NPY1R: variants seen among roughly 807,000 people sequenced by gnomAD.
NPY1R encodes neuropeptide Y receptor type 1.
NPY1R carries 10 observed loss-of-function variants against 24.1 expected under a neutral mutation model. That is an observed-to-expected ratio of 0.42 (90% CI 0.26 to 0.71). NPY1R has a LOEUF of 0.71. Ranked by LOEUF, NPY1R falls within the 30% of genes least tolerant of loss-of-function variation. The pLI is 0.28. For synonymous variants in NPY1R, 168 were observed against 165.9 expected (o/e 1.01, Z -0.10); for missense variants, 350 against 458.0 (o/e 0.76, Z 2.15).
chr4:163,340,309 C>CATATAT (rs142056779), intron 1 of NPY1R, among the ~76,000 whole-genome samples: 8 of 147,534 alleles, frequency 5.4e-5, no homozygotes, highest in African/African-American at 2.0e-4. Context: ...TCTTCTTGTA[C>CATATAT]ATATATATAT....
At chr4:163,335,986 T>C (rs1379666299), upstream of NPY1R, among the ~76,000 whole-genome samples, 1 of 152,228 alleles carries the variant, frequency 6.6e-6, no homozygotes, top group Non-Finnish European at 1.5e-5. Context: ...ATCTGACTTT[T>C]GGAGAGCATT....
At chr4:163,327,317 G>C (rs1186912970) in intron 1 of NPY1R, among the ~76,000 whole-genome samples, 1 of 152,180 alleles carries the variant, frequency 6.6e-6, no homozygotes, top group Non-Finnish European at 1.5e-5. Context: ...ATACTTAGTA[G>C]GAATGGTACA....
rs916977399 is a variant in NPY1R at position 163,324,783 on chromosome 4, C to T, written c.*520G>A. On this transcript the variant is annotated 3_prime_UTR_variant, in exon 3 of 3. Coordinates refer to ENST00000296533, the MANE Select transcript of NPY1R (RefSeq NM_000909.6). ...ACAAAAACCACCAAAAAACAGAAACCTCAAACCACTTCTGAATGACTTCAG... is the reference window on the plus strand; with the variant it reads ...ACAAAAACCACCAAAAAACAGAAACTTCAAACCACTTCTGAATGACTTCAG... The T allele has an allele frequency of 6.6e-6, 1 of 151,222 alleles. No individual in the cohort carries two copies. The highest frequency in any genetic ancestry group is 2.4e-5 in the African/African-American group (1 of 41,226). The allele number at this position is 151,222 out of a possible 1,614,324, so 9.4% of individuals were successfully genotyped here.
intron 1 of NPY1R, among the ~76,000 whole-genome samples, chr4:163,338,974 G>A (rs564891452): frequency 2.6e-5 from 4 of 152,146 alleles, no homozygotes; most frequent in African/African-American, 9.6e-5. Context: ...TATCTCTCAC[G>A]TGTGTTCTTT....
rs1734548954 is a variant in NPY1R at position 163,324,129 on chromosome 4, TA to T, written c.*1173del. 1 of 152,594 alleles carries T rather than the reference TA, an allele frequency of 6.6e-6. No homozygotes were observed. Among genetic ancestry groups the T allele is most frequent in the African/African-American group, 2.4e-5 (1 of 41,440 alleles). The allele number at this position is 152,594 out of a possible 1,614,324, so 9.5% of individuals were successfully genotyped here. ...ATCATGATTACAAGATACATGAAAT[TA>T]GGCACATTAACATGACACAACTATT... On this transcript the variant is annotated 3_prime_UTR_variant, in exon 3 of 3. Transcript: ENST00000296533.
At chr4:163,341,104 A>C (rs990248557) in intron 1 of NPY1R, among the ~76,000 whole-genome samples, 2 of 150,550 alleles carry the variant, frequency 1.3e-5, no homozygotes, top group African/African-American at 4.9e-5. Flanking sequence ...TTTTTTGTTC[A>C]AAAAAAAATC....
chr4:163,325,518 A>C lies in NPY1R; in HGVS notation c.940T>G (p.Cys314Gly). ...AACCCATAAAATATGGGGTTGACAC[A>C]AGTGGATATCATTGCTGTGAGGTGG... Reference protein sequence around the residue: ...LCHLTAMISTCVNPIFYGFLN... With the variant: ...LCHLTAMISTGVNPIFYGFLN... Residue 314 changes from cysteine (C) to glycine (G), a missense_variant, in exon 3 of 3, where the codon TGT becomes GGT. Coordinates refer to ENST00000296533, the MANE Select transcript of NPY1R (RefSeq NM_000909.6). 1.2e-6 allele frequency: 2 copies of C among 1,614,144 alleles called. No individual in the cohort carries two copies. The highest frequency in any genetic ancestry group is 1.7e-6 in the Non-Finnish European group (2 of 1,179,990).
chr4:163,324,002 C>T lies in NPY1R; in HGVS notation c.*1301G>A, dbSNP rs554169287. 2.7e-4 allele frequency: 41 copies of T among 152,210 alleles called. 1 individual carries two copies. Among genetic ancestry groups the T allele is most frequent in the East Asian group, 9.7e-4 (5 of 5,180 alleles). The allele number at this position is 152,210 out of a possible 1,614,324, so 9.4% of individuals were successfully genotyped here. A position where few individuals can be genotyped will look rare whatever the true frequency, so the allele number is the denominator to read the frequency against. ...ACAATATTGATTTTAATAAAATGTCCGCCCTTTTAAAATCAAACACATGTA... is the reference window on the plus strand; with the variant it reads ...ACAATATTGATTTTAATAAAATGTCTGCCCTTTTAAAATCAAACACATGTA... On this transcript the variant is annotated 3_prime_UTR_variant, in exon 3 of 3. Transcript: ENST00000296533.
chr4:163,330,414 G>T (rs1734701687), intron 1 of NPY1R, among the ~76,000 whole-genome samples: 1 of 152,136 alleles, frequency 6.6e-6, no homozygotes, highest in Admixed American at 6.5e-5. Flanking sequence ...TTTACTAAGT[G>T]CACATTTGAT....
At chr4:163,341,450 T>C (rs550156265) in intron 1 of NPY1R, among the ~76,000 whole-genome samples, 2 of 152,290 alleles carry the variant, frequency 1.3e-5, no homozygotes, top group Non-Finnish European at 2.9e-5. Context: ...ACTTTAGTAA[T>C]TGCTTTCCAC....
intron 1 of NPY1R, among the ~76,000 whole-genome samples, chr4:163,331,815 G>C (rs1266439908): frequency 2.6e-5 from 4 of 152,234 alleles, no homozygotes; most frequent in Admixed American, 1.3e-4. Flanking sequence ...ATGATTAAAA[G>C]CTTCGGGTGT....
upstream of NPY1R, among the ~76,000 whole-genome samples, chr4:163,337,750 G>A (rs114164577): frequency 0.017 from 2,548 of 152,246 alleles, 68 homozygotes; most frequent in African/African-American, 0.055. Flanking sequence ...TCTTAGCTTA[G>A]GACTAAAATA....
At chr4:163,334,464 A>G (rs1216856415), upstream of NPY1R, among the ~76,000 whole-genome samples, 1 of 152,222 alleles carries the variant, frequency 6.6e-6, no homozygotes, top group Middle Eastern at 3.2e-3. Flanking sequence ...AATTTGTGAA[A>G]CTGCATTCTT....
chr4:163,336,948 G>C (rs1734851360), upstream of NPY1R, among the ~76,000 whole-genome samples: 1 of 152,066 alleles, frequency 6.6e-6, no homozygotes, highest in Non-Finnish European at 1.5e-5. Flanking sequence ...GCAACAGAGT[G>C]ATACTGCATC....
At chr4:163,337,409 C>T (rs774751471), upstream of NPY1R, among the ~76,000 whole-genome samples, 4 of 152,152 alleles carry the variant, frequency 2.6e-5, no homozygotes, top group Admixed American at 6.5e-5. Flanking sequence ...TACCTCATAC[C>T]CTCAGTCTCA....
rs1734568454 is a variant in NPY1R at position 163,324,892 on chromosome 4, T to C, written c.*411A>G. The C allele has an allele frequency of 6.1e-6, 1 of 163,684 alleles. No homozygotes were observed. Among genetic ancestry groups the C allele is most frequent in the Non-Finnish European group, 1.3e-5 (1 of 74,338 alleles). 10.1% of individuals were successfully genotyped at this position (163,684 alleles called of 1,614,324 possible). ...AATGATGCCTATCATAAAGTAAGGA[T>C]GGCCCAATCTGTTGACAATCTAATC... On this transcript the variant is annotated 3_prime_UTR_variant, in exon 3 of 3. Coordinates refer to ENST00000296533, the MANE Select transcript of NPY1R (RefSeq NM_000909.6).
rs1342419637 is a variant in NPY1R, at chr4:163,326,036, G to A, written c.519C>T (p.Phe173=). The A allele has an allele frequency of 1.2e-6, 2 of 1,613,938 alleles. No individual in the cohort carries two copies. Among genetic ancestry groups the A allele is most frequent in the Non-Finnish European group, 8.5e-7 (1 of 1,179,972 alleles). ...WVLAVASSLP[F]LIYQVMTDEP... ...CATCAGTCATTACTTGGTAGATCAGGAAAGGCAAAGAAGAAGCCACAGCAA... is the reference window on the plus strand; with the variant it reads ...CATCAGTCATTACTTGGTAGATCAGAAAAGGCAAAGAAGAAGCCACAGCAA... Residue 173 remains phenylalanine, a synonymous_variant, in exon 2 of 3, where the codon TTC becomes TTT. Transcript: ENST00000296533.
chr4:163,325,606 A>C lies in NPY1R; in HGVS notation c.852T>G (p.Thr284=). 1 of 1,613,540 alleles carries C rather than the reference A, an allele frequency of 6.2e-7. No individual in the cohort carries two copies. The highest frequency in any genetic ancestry group is 2.2e-5 in the East Asian group (1 of 44,880). ...VCWLPLTIFN[T]VFDWNHQIIA... ...TGATCTGATGATTCCAATCAAACAC[A>C]GTGTTAAAGATGGTAAGAGGGAGCC... The change falls in exon 3 of 3, where the codon ACT becomes ACG. Residue 284 remains threonine (T), a synonymous_variant. Coordinates refer to ENST00000296533, the MANE Select transcript of NPY1R (RefSeq NM_000909.6).
rs768758335 is a variant in NPY1R, at chr4:163,326,225, C to T, written c.330G>A (p.Glu110=). ...YTLMDHWVFG[E]AMCKLNPFVQ... Reference sequence around the variant, plus strand: ...CAAAAGGATTCAACTTACACATCGCCTCACCAAAGACCCAGTGGTCCATTA... The same window carrying T: ...CAAAAGGATTCAACTTACACATCGCTTCACCAAAGACCCAGTGGTCCATTA... The change falls in exon 2 of 3, where the codon GAG becomes GAA. Residue 110 remains glutamate (E), a synonymous_variant. Transcript: ENST00000296533. 3 of 1,614,030 alleles carry T rather than the reference C, an allele frequency of 1.9e-6. No homozygotes were observed. The highest frequency in any genetic ancestry group is 1.3e-5 in the African/African-American group (1 of 74,918).
Sources: gnomAD v4.1 joint callset for allele counts (sites outside exome capture counted in the v4.1 genomes callset) on GRCh38, gnomAD v4.1.1 for gene constraint, MANE v1.5 for transcripts, NCBI Gene and HGNC (gene_info 2026-07-23, HGNC 2026-07-21) for gene names.